GPC5: variants seen among roughly 807,000 people sequenced by gnomAD.
GPC5 encodes glypican 5, also known as glypican-5.
A neutral mutation model predicts 53.9 loss-of-function variants in GPC5; 47 were observed. That is an observed-to-expected ratio of 0.87 (90% CI 0.69 to 1.11). The LOEUF (loss-of-function observed/expected upper bound fraction) is 1.11. GPC5 is among the 50% of genes most tolerant of loss of function. The pLI, the probability that GPC5 is intolerant of heterozygous loss-of-function variation, is 0.00. For missense variants in GPC5, 748 were observed against 713.1 expected (o/e 1.05, Z -0.56); for synonymous variants, 286 against 263.3 (o/e 1.09, Z -0.84).
chr13:91,822,885 G>C (rs2038518362), intron 5 of GPC5, among the ~76,000 whole-genome samples: 1 of 152,056 alleles, frequency 6.6e-6, no homozygotes, highest in Non-Finnish European at 1.5e-5. Context: ...TCTTTATAAA[G>C]TTTTGAAAAC....
chr13:92,116,270 CAA>C (rs56168628), intron 6 of GPC5, among the ~76,000 whole-genome samples: 3,062 of 149,398 alleles, frequency 0.02, 115 homozygotes, highest in African/African-American at 0.072. Context: ...AACAAACAAA[CAA>C]AAAAAAAAAA....
intron 7 of GPC5, among the ~76,000 whole-genome samples, chr13:92,451,946 A>G (rs925346201): frequency 6.6e-6 from 1 of 152,228 alleles, no homozygotes; most frequent in East Asian, 1.9e-4. Flanking sequence ...AGAACAAACA[A>G]TAATACCTCC....
intron 7 of GPC5, among the ~76,000 whole-genome samples, chr13:92,518,814 A>G (rs919768877): frequency 6.6e-6 from 1 of 152,224 alleles, no homozygotes; most frequent in African/African-American, 2.4e-5. Flanking sequence ...AAATTCTCCA[A>G]TTAAAAGACA....
intron 6 of GPC5, among the ~76,000 whole-genome samples, chr13:92,141,402 TGA>T (rs1566453344): frequency 6.6e-6 from 1 of 152,030 alleles, no homozygotes; most frequent in Non-Finnish European, 1.5e-5. Context: ...GGAAATATAG[TGA>T]GAGGGGTTAT....
Position 91,736,492 on chromosome 13 carries a change from G to A in GPC5, c.1154+7827G>A, listed in dbSNP as rs1013075615. Among the ~76,000 whole-genome samples the A allele has an allele frequency of 1.3e-5, 2 of 149,550 alleles. 1 individual carries two copies. The highest frequency in any genetic ancestry group is 5.0e-5 in the African/African-American group (2 of 39,856). Reference sequence around the variant, plus strand: ...AGATCTTTTTTTATTATACTGTATTGTAGATACAGTGACCATCCACACAGA... The same window carrying A: ...AGATCTTTTTTTATTATACTGTATTATAGATACAGTGACCATCCACACAGA... On this transcript the variant is annotated intron_variant, in intron 4 of 7. Transcript: ENST00000377067.
chr13:92,186,734 G>T (rs1026174023), intron 7 of GPC5, among the ~76,000 whole-genome samples: 1 of 152,130 alleles, frequency 6.6e-6, no homozygotes, highest in African/African-American at 2.4e-5. Flanking sequence ...ATCCACTCAT[G>T]TGTAATACAG....
intron 7 of GPC5, among the ~76,000 whole-genome samples, chr13:92,498,890 G>A (rs1188861547): frequency 5.3e-5 from 8 of 152,052 alleles, no homozygotes; most frequent in Admixed American, 4.6e-4. Context: ...TGGCAAAGGG[G>A]AAATAAAGCA....
intron 7 of GPC5, among the ~76,000 whole-genome samples, chr13:92,224,226 A>G (rs1022248379): frequency 5.9e-5 from 9 of 152,158 alleles, no homozygotes; most frequent in South Asian, 2.1e-4. Flanking sequence ...TAGCAATAAC[A>G]TTGGTAATGT....
intron 6 of GPC5, among the ~76,000 whole-genome samples, chr13:92,143,815 T>C (rs1038637236): frequency 1.3e-5 from 2 of 152,128 alleles, no homozygotes; most frequent in African/African-American, 4.8e-5. Flanking sequence ...TGTCTTTGAG[T>C]TGTGTGTTTA....
chr13:92,279,249 C>G (rs544497871), intron 7 of GPC5, among the ~76,000 whole-genome samples: 1 of 152,122 alleles, frequency 6.6e-6, no homozygotes, highest in South Asian at 2.1e-4. Context: ...CCTCATCTTA[C>G]TTCTTCCTAT....
Position 91,399,115 on chromosome 13 carries a change from C to T in GPC5, c.69C>T (p.Arg23=), listed in dbSNP as rs144677150. Reference sequence around the variant, plus strand: ...TTCTGGCCCTGGTTGGGTCCGCCCGCAGCGAGGGCGTGCAGACCTGCGAAG... The same window carrying T: ...TTCTGGCCCTGGTTGGGTCCGCCCGTAGCGAGGGCGTGCAGACCTGCGAAG... ...LLLLALVGSA[R]SEGVQTCEEV... is the part of the protein sequence containing the mutation. Residue 23 remains arginine (R), a synonymous_variant, in exon 1 of 8, where the codon CGC becomes CGT. Transcript: ENST00000377067. 88 of 1,608,672 alleles carry T rather than the reference C, an allele frequency of 5.5e-5. No homozygotes were observed. The African/African-American group carries it at 9.6e-4, about 18-fold the overall frequency.
chr13:91,934,331 T>C (rs944786890), intron 6 of GPC5, among the ~76,000 whole-genome samples: 1 of 151,900 alleles, frequency 6.6e-6, no homozygotes, highest in Non-Finnish European at 1.5e-5. Context: ...ATGAGTTAAG[T>C]ATCAAGAAAA....
chr13:92,436,638 A>T (rs1023128393), intron 7 of GPC5, among the ~76,000 whole-genome samples: 9 of 152,186 alleles, frequency 5.9e-5, no homozygotes, highest in African/African-American at 2.2e-4. Flanking sequence ...CAATAAAAAT[A>T]GTTCTATCCA....
At chr13:91,997,581 T>A (rs1228596028) in intron 6 of GPC5, among the ~76,000 whole-genome samples, 1 of 152,148 alleles carries the variant, frequency 6.6e-6, no homozygotes, top group African/African-American at 2.4e-5. Flanking sequence ...TGCAGTGGCG[T>A]GATCTCAGCT....
intron 4 of GPC5, among the ~76,000 whole-genome samples, chr13:91,739,210 T>C (rs1364580345): frequency 1.3e-5 from 2 of 151,338 alleles, no homozygotes; most frequent in Non-Finnish European, 2.9e-5. Flanking sequence ...GAAAGTGTAG[T>C]GGAACAAATA....
At chr13:92,349,850 T>C (rs748148801) in intron 7 of GPC5, among the ~76,000 whole-genome samples, 2 of 152,122 alleles carry the variant, frequency 1.3e-5, no homozygotes, top group Non-Finnish European at 2.9e-5. Flanking sequence ...TTCCCAAAAA[T>C]TGAAGAGGAG....
intron 2 of GPC5, among the ~76,000 whole-genome samples, chr13:91,472,824 A>C (rs1195551342): frequency 6.6e-6 from 1 of 152,150 alleles, no homozygotes. Flanking sequence ...TAAAGGATAT[A>C]ATTTCACTGT....
intron 2 of GPC5, among the ~76,000 whole-genome samples, chr13:91,616,280 G>A (rs74107707): frequency 0.038 from 5,836 of 151,962 alleles, 139 homozygotes; most frequent in African/African-American, 0.061. Flanking sequence ...GATCTCTTAT[G>A]AACTATTTAA....
At chr13:91,635,532 A>G (rs2034265360) in intron 2 of GPC5, among the ~76,000 whole-genome samples, 1 of 152,018 alleles carries the variant, frequency 6.6e-6, no homozygotes, top group Admixed American at 6.6e-5. Context: ...ATTTTCCTTT[A>G]TGCTATCTGG....
Sources: allele counts gnomAD v4.1 joint callset (sites outside exome capture counted in the v4.1 genomes callset), GRCh38; gene constraint gnomAD v4.1.1; transcripts MANE v1.5; gene names NCBI Gene and HGNC (gene_info 2026-07-23, HGNC 2026-07-21).